The following PTPRG variants were observed in gnomAD, a reference collection of about 807,000 sequenced individuals.
PTPRG encodes receptor-type tyrosine-protein phosphatase gamma.
A neutral mutation model predicts 165.3 loss-of-function variants in PTPRG; 102 were observed. The ratio of observed to expected loss-of-function variants is 0.62; its 90% CI spans 0.53 to 0.73. PTPRG has a LOEUF of 0.73. PTPRG is among the 30% of genes least tolerant of loss of function. The pLI is 0.00. For synonymous variants in PTPRG, 675 were observed against 669.5 expected, an observed-to-expected ratio of 1.01 and a Z score of -0.13; for missense variants, 1,866 against 1,861.4, an observed-to-expected ratio of 1.00 and a Z score of -0.05.
At chr3:61,780,737 G>C (rs2034523984) in intron 2 of PTPRG, among the ~76,000 whole-genome samples, 1 of 152,134 alleles carries the variant, frequency 6.6e-6, no homozygotes, top group South Asian at 2.1e-4. Flanking sequence ...TTGCATCCAT[G>C]ATCTAAGAAT....
chr3:61,806,666 A>G (rs1559622420), intron 2 of PTPRG, among the ~76,000 whole-genome samples: 1 of 152,152 alleles, frequency 6.6e-6, no homozygotes, highest in Non-Finnish European at 1.5e-5. Context: ...CCTATTGGCA[A>G]ATGAAAGGAG....
intron 2 of PTPRG, among the ~76,000 whole-genome samples, chr3:61,934,455 C>G (rs962531942): frequency 6.6e-6 from 1 of 151,808 alleles, no homozygotes; most frequent in African/African-American, 2.4e-5. Flanking sequence ...TGACTTTTAA[C>G]GATATGCTGA....
intron 4 of PTPRG, among the ~76,000 whole-genome samples, chr3:62,066,395 T>C (rs2106709907): frequency 6.6e-6 from 1 of 152,366 alleles, no homozygotes; most frequent in East Asian, 1.9e-4. Context: ...ATGGAAATTC[T>C]ATTGAATTTA....
chr3:62,140,851 CAAAAAAAAAAAAA>C (rs58630476), intron 6 of PTPRG, among the ~76,000 whole-genome samples: 2 of 71,194 alleles, frequency 2.8e-5, no homozygotes, highest in African/African-American at 1.1e-4. Flanking sequence ...GACTCGGTCT[CAAAAAAAAAAAAA>C]AAAAAAAAAA....
chr3:61,564,267 G>A (rs1699849592), intron 1 of PTPRG, among the ~76,000 whole-genome samples: 1 of 152,186 alleles, frequency 6.6e-6, no homozygotes, highest in Non-Finnish European at 1.5e-5. Context: ...GCTTTGTGAG[G>A]GCCACTCTTT....
At chr3:62,012,274 TATCTCC>T in intron 4 of PTPRG, among the ~76,000 whole-genome samples, 1 of 152,200 alleles carries the variant, frequency 6.6e-6, no homozygotes, top group Non-Finnish European at 1.5e-5. Context: ...TGGGCTCGAA[TATCTCC>T]AACACCTTAA....
chr3:62,169,836 C>G (rs796394080), intron 8 of PTPRG, among the ~76,000 whole-genome samples: 1 of 152,064 alleles, frequency 6.6e-6, no homozygotes, highest in Non-Finnish European at 1.5e-5. Flanking sequence ...AGAGTGCCCC[C>G]ACCCCCAACA....
rs146846834 is a variant in PTPRG at position 61,793,281 on chromosome 3, G to C, written c.190+44299G>C. 5.9e-3 allele frequency among the ~76,000 whole-genome samples: 894 copies of C among 152,336 alleles called. 5 individuals are homozygous for C. The highest frequency in any genetic ancestry group is 0.011 in the Admixed American group (170 of 15,304). The stretch of plus-strand genomic sequence containing the variant: ...TTGAATGGATATGTCACCTGGGCTT[G>C]TGGTGTACCTAGCCAAAGTGGTGGT... On this transcript the variant is annotated intron_variant, in intron 2 of 29. Coordinates refer to ENST00000474889, the MANE Select transcript of PTPRG (RefSeq NM_002841.4).
intron 8 of PTPRG, among the ~76,000 whole-genome samples, chr3:62,185,909 G>A (rs1041745598): frequency 2.6e-5 from 4 of 152,150 alleles, no homozygotes; most frequent in African/African-American, 9.7e-5. Flanking sequence ...TGGCTCCAAA[G>A]CCCACACTTT....
chr3:62,172,575 T>C (rs905326191), intron 8 of PTPRG, among the ~76,000 whole-genome samples: 2 of 152,154 alleles, frequency 1.3e-5, no homozygotes, highest in African/African-American at 2.4e-5. Context: ...CTCCTTTTTT[T>C]TCCCTACGAA....
intron 1 of PTPRG, among the ~76,000 whole-genome samples, chr3:61,658,111 T>A (rs750375878): frequency 6.6e-6 from 1 of 152,178 alleles, no homozygotes; most frequent in Non-Finnish European, 1.5e-5. Context: ...TTTCTAGATT[T>A]GGAATTGAAT....
At position 62,228,414 on chromosome 3, in the gene PTPRG, T is replaced by C. The variant is rs1045751657; in HGVS notation, c.2289-2811T>C. 5.3e-5 allele frequency among the ~76,000 whole-genome samples: 8 copies of C among 150,450 alleles called. No individual in the cohort carries two copies. Among genetic ancestry groups the C allele is most frequent in the Admixed American group, 4.6e-4 (7 of 15,090 alleles). On this transcript the variant is annotated intron_variant, in intron 13 of 29. Transcript: ENST00000474889. The surrounding 1 kb of genome is among the most constrained non-coding windows in gnomAD (Gnocchi z 4.1). The stretch of plus-strand genomic sequence containing the variant: ...GTGGGTGCCTGTAATCCCAGCTACT[T>C]GGGAGGCTGAGGCAGAGAATTGCTT...
intron 1 of PTPRG, among the ~76,000 whole-genome samples, chr3:61,623,294 C>T (rs1359716040): frequency 1.3e-5 from 2 of 152,192 alleles, no homozygotes; most frequent in Non-Finnish European, 2.9e-5. Flanking sequence ...TCCCAAGACT[C>T]AGATCCCTCC....
intron 2 of PTPRG, among the ~76,000 whole-genome samples, chr3:61,966,386 T>A (rs2040272941): frequency 6.6e-6 from 1 of 152,090 alleles, no homozygotes; most frequent in Non-Finnish European, 1.5e-5. Flanking sequence ...GAGTGGGGAA[T>A]GGGGAATGTC....
chr3:62,103,793 A>C (rs1702376992), intron 5 of PTPRG, among the ~76,000 whole-genome samples: 1 of 152,186 alleles, frequency 6.6e-6, no homozygotes, highest in Non-Finnish European at 1.5e-5. Flanking sequence ...GTAGCCTAGA[A>C]ACTCCACCAG....
chr3:61,815,179 T>C (rs1003593495), intron 2 of PTPRG, among the ~76,000 whole-genome samples: 4 of 151,402 alleles, frequency 2.6e-5, no homozygotes, highest in African/African-American at 4.9e-5. Flanking sequence ...GGTGGATCTC[T>C]TGAGCTCAGG....
chr3:62,077,997 CAA>C (rs56828286), intron 4 of PTPRG, among the ~76,000 whole-genome samples, 164 bp from the exon 5 acceptor site: 84 of 94,300 alleles, frequency 8.9e-4, no homozygotes, highest in Admixed American at 1.7e-3. Context: ...GACCTTATCT[CAA>C]AAAAAAAAAA....
intron 2 of PTPRG, among the ~76,000 whole-genome samples, chr3:61,809,562 C>T (rs1050318941): frequency 2.6e-5 from 4 of 152,034 alleles, no homozygotes; most frequent in East Asian, 1.9e-4. Context: ...AGTTCTGATC[C>T]TGTTAATTTC....
At chr3:61,951,123 A>G (rs566600934) in intron 2 of PTPRG, among the ~76,000 whole-genome samples, 1 of 152,348 alleles carries the variant, frequency 6.6e-6, no homozygotes, top group Middle Eastern at 3.4e-3. Flanking sequence ...AGCAGTGATA[A>G]TGCATGCCTA....
Sources: allele counts gnomAD v4.1 joint callset (sites outside exome capture counted in the v4.1 genomes callset), GRCh38; gene constraint gnomAD v4.1.1; non-coding constraint Gnocchi (gnomAD v3.1); transcripts MANE v1.5; gene names NCBI Gene and HGNC (gene_info 2026-07-23, HGNC 2026-07-21).